Variants in KIAA1549L observed in about 807,000 individuals in gnomAD.
KIAA1549L encodes KIAA1549 like, also known as UPF0606 protein KIAA1549L.
Under a neutral mutation model 160.7 loss-of-function variants are expected in KIAA1549L, and 88 were observed. The observed-to-expected ratio is 0.55, with a 90% CI of 0.46 to 0.65. The LOEUF is 0.65. Ranked by LOEUF, KIAA1549L falls within the 30% of genes least tolerant of loss-of-function variation. The pLI is 0.00. For synonymous variants in KIAA1549L, 950 were observed against 976.7 expected (o/e 0.97, Z 0.51); for missense variants, 2,258 against 2,437.5 (o/e 0.93, Z 1.55).
chr11:33,490,902 C>A (rs1050035580), intron 1 of KIAA1549L, among the ~76,000 whole-genome samples: 1 of 152,200 alleles, frequency 6.6e-6, no homozygotes, highest in African/African-American at 2.4e-5. Context: ...GTAATGCCCA[C>A]CCTGCTGGTC....
intron 1 of KIAA1549L, among the ~76,000 whole-genome samples, chr11:33,538,945 G>A (rs548627310): frequency 3.5e-4 from 54 of 152,258 alleles, no homozygotes; most frequent in Non-Finnish European, 6.3e-4. Flanking sequence ...AAGTGCCCCC[G>A]TCCTGTTCCT....
At chr11:33,574,205 G>GT (rs1000664982) in intron 9 of KIAA1549L, among the ~76,000 whole-genome samples, 6 of 111,140 alleles carry the variant, frequency 5.4e-5, no homozygotes, top group Non-Finnish European at 1.1e-4. Flanking sequence ...TAACTTTTAG[G>GT]TAAAAAAAAA....
chr11:33,560,233 GC>G (rs1854807339), intron 7 of KIAA1549L, among the ~76,000 whole-genome samples: 1 of 152,098 alleles, frequency 6.6e-6, no homozygotes, highest in Non-Finnish European at 1.5e-5. Flanking sequence ...TGCAAAATTA[GC>G]CCCATTTTGC....
At chr11:33,664,317 A>C (rs1320690189) in intron 20 of KIAA1549L, among the ~76,000 whole-genome samples, 1 of 146,520 alleles carries the variant, frequency 6.8e-6, no homozygotes, top group Non-Finnish European at 1.5e-5. Flanking sequence ...CCAAATATAG[A>C]CTCCCCCTCT....
chr11:33,503,147 T>C (rs1474073174), intron 1 of KIAA1549L, among the ~76,000 whole-genome samples: 6 of 152,232 alleles, frequency 3.9e-5, no homozygotes, highest in Admixed American at 2.6e-4. Context: ...ACCATAGATA[T>C]GTTTTAAACG....
intron 14 of KIAA1549L, among the ~76,000 whole-genome samples, chr11:33,607,689 A>G (rs1295631909): frequency 1.3e-5 from 2 of 152,130 alleles, no homozygotes; most frequent in African/African-American, 4.8e-5. Context: ...GAGATTTCCA[A>G]AGTTTTAGTC....
intron 15 of KIAA1549L, among the ~76,000 whole-genome samples, chr11:33,610,721 G>A (rs542089999): frequency 2.5e-4 from 38 of 152,344 alleles, no homozygotes; most frequent in African/African-American, 8.4e-4. Context: ...GAAGGGCTAA[G>A]CCAGATGGTT....
intron 4 of KIAA1549L, among the ~76,000 whole-genome samples, chr11:33,549,187 AT>A (rs1000062848): frequency 2.6e-5 from 4 of 152,100 alleles, no homozygotes; most frequent in South Asian, 2.1e-4. Context: ...ACTTAAGCAC[AT>A]TTTTTTGAAA....
At chr11:33,657,417 A>C (rs376337264) in intron 18 of KIAA1549L, among the ~76,000 whole-genome samples, 128 of 152,256 alleles carry the variant, frequency 8.4e-4, no homozygotes, top group Admixed American at 1.2e-3. Context: ...ACTGCCCTTC[A>C]TATAAACTCA....
At chr11:33,473,619 C>T (rs1357253890) in intron 1 of KIAA1549L, among the ~76,000 whole-genome samples, 1 of 152,202 alleles carries the variant, frequency 6.6e-6, no homozygotes, top group Admixed American at 6.5e-5. Context: ...ACTGTGTTCT[C>T]CGCTTCCGAG....
At chr11:33,425,692 G>T (rs1025737540) in intron 1 of KIAA1549L, among the ~76,000 whole-genome samples, 4 of 152,198 alleles carry the variant, frequency 2.6e-5, no homozygotes, top group African/African-American at 9.7e-5. Flanking sequence ...ATTAGGAAAG[G>T]CTGGAATTCT....
intron 1 of KIAA1549L, among the ~76,000 whole-genome samples, chr11:33,409,317 T>C (rs2134084065): frequency 6.6e-6 from 1 of 152,284 alleles, no homozygotes; most frequent in Non-Finnish European, 1.5e-5. Context: ...AGGGTGATGG[T>C]TCATAACTTA....
rs751806565 is a variant in KIAA1549L, at chr11:33,669,285, C to T, written c.*1131C>T. On this transcript the variant is annotated 3_prime_UTR_variant, in exon 21 of 21. Transcript: ENST00000658780. ...CCCCTAGTTAATGGACATAGGAAGA[C>T]ATTTGCTGAAATGGTAGGGTGGCCA... is the stretch of plus-strand genomic sequence containing the variant. 1 of 152,204 alleles carries T rather than the reference C, an allele frequency of 6.6e-6. No homozygotes were observed. The highest frequency in any genetic ancestry group is 1.5e-5 in the Non-Finnish European group (1 of 68,028). The allele number at this position is 152,204 out of a possible 1,614,324, so 9.4% of individuals were successfully genotyped here. A position where few individuals can be genotyped will look rare whatever the true frequency, so the allele number is the denominator to read the frequency against.
intron 11 of KIAA1549L, among the ~76,000 whole-genome samples, chr11:33,586,141 G>A (rs565847872): frequency 1.4e-4 from 21 of 152,334 alleles, no homozygotes; most frequent in Non-Finnish European, 2.5e-4. Flanking sequence ...GTCAAAGGAC[G>A]AGGCAGAACA....
At chr11:33,408,949 C>CAAAAA (rs763850676) in intron 1 of KIAA1549L, among the ~76,000 whole-genome samples, 8,716 of 66,616 alleles carry the variant, frequency 0.13, 675 homozygotes, top group East Asian at 0.26. Context: ...GACTCCATCT[C>CAAAAA]AAAAAAAAAA....
intron 10 of KIAA1549L, among the ~76,000 whole-genome samples, chr11:33,582,458 G>C (rs1855675357): frequency 6.6e-6 from 1 of 152,154 alleles, no homozygotes; most frequent in Admixed American, 6.6e-5. Context: ...TGCTAACCAG[G>C]CTTACAAGAG....
At chr11:33,613,669 C>T (rs1220754034) in intron 15 of KIAA1549L, among the ~76,000 whole-genome samples, 1 of 152,150 alleles carries the variant, frequency 6.6e-6, no homozygotes, top group Admixed American at 6.5e-5. Context: ...TCCCACCAGG[C>T]CCCACCTCCA....
intron 9 of KIAA1549L, among the ~76,000 whole-genome samples, chr11:33,570,590 C>G (rs10836076): frequency 0.29 from 43,726 of 151,966 alleles, 6,444 homozygotes; most frequent in Middle Eastern, 0.44. Flanking sequence ...CAGTTTCCCC[C>G]AAAAAATTCA....
chr11:33,468,394 C>G (rs747511158), intron 1 of KIAA1549L, among the ~76,000 whole-genome samples: 1 of 152,200 alleles, frequency 6.6e-6, no homozygotes, highest in African/African-American at 2.4e-5. Flanking sequence ...AGTTTCAATT[C>G]ACTGTAATTA....
Sources: gnomAD v4.1 joint callset for allele counts (sites outside exome capture counted in the v4.1 genomes callset) on GRCh38, gnomAD v4.1.1 for gene constraint, MANE v1.5 for transcripts, NCBI Gene and HGNC (gene_info 2026-07-23, HGNC 2026-07-21) for gene names.